HACL2: variants seen among roughly 807,000 people sequenced by gnomAD.
HACL2 encodes 2-hydroxyacyl-CoA lyase 1 like.
At chr19:15,116,827 A>G in the HACL2 span, 100,394 of 382,440 alleles carry the variant, frequency 0.26, 14,158 homozygotes, top group South Asian at 0.37. Flanking sequence ...GAAACACTCA[A>G]TGAAAAGAGC....
the HACL2 span, chr19:15,118,149 A>T: frequency 9.0e-7 from 1 of 1,107,088 alleles, no homozygotes; most frequent in Non-Finnish European, 1.3e-6. Flanking sequence ...ACCTACAGTG[A>T]CCTTGCAGCT....
chr19:15,119,468 C>G, the HACL2 span: 6 of 1,614,014 alleles, frequency 3.7e-6, no homozygotes, highest in South Asian at 6.6e-5. Flanking sequence ...TCCCCAGCAC[C>G]ATCAGAGGCC....
At chr19:15,115,219 G>A in the HACL2 span, 1 of 1,613,108 alleles carries the variant, frequency 6.2e-7, no homozygotes, top group Non-Finnish European at 8.5e-7. Context: ...TCCAGGGGCA[G>A]GAAGGCAGCC....
the HACL2 span, chr19:15,116,559 C>T: frequency 6.5e-7 from 1 of 1,542,934 alleles, no homozygotes; most frequent in East Asian, 2.2e-5. Context: ...GGGGAGCTGG[C>T]TTCCTCCTGT....
the HACL2 span, chr19:15,119,459 C>T: frequency 6.2e-7 from 1 of 1,614,130 alleles, no homozygotes; most frequent in South Asian, 1.1e-5. Context: ...GGGCCTGACT[C>T]CCCAGCACCA....
the HACL2 span, among the ~76,000 whole-genome samples, chr19:15,118,325 C>T: frequency 2.6e-5 from 4 of 152,194 alleles, no homozygotes; most frequent in Non-Finnish European, 5.9e-5. Flanking sequence ...CAGCCTAGGT[C>T]CCCTTTCCTT....
At chr19:15,125,102 C>T in the HACL2 span, 1 of 1,487,500 alleles carries the variant, frequency 6.7e-7, no homozygotes, top group Non-Finnish European at 9.0e-7. Flanking sequence ...CAGACTTGGG[C>T]GCGACAGGGA....
At chr19:15,115,684 G>C in the HACL2 span, 3 of 1,608,888 alleles carry the variant, frequency 1.9e-6, no homozygotes, top group Non-Finnish European at 2.6e-6. Context: ...ACAGGAAGAT[G>C]ATGAAGGCAG....
the HACL2 span, chr19:15,122,639 C>G: frequency 6.9e-7 from 1 of 1,459,322 alleles, no homozygotes; most frequent in Non-Finnish European, 9.6e-7. The surrounding 1 kb of genome is among the most constrained non-coding windows in gnomAD (Gnocchi z 4.0). Flanking sequence ...GGGCTGGAAG[C>G]TGCAGGAGAG....
At chr19:15,125,651 T>G in the HACL2 span, 1 of 152,380 alleles carries the variant, frequency 6.6e-6, no homozygotes, top group Non-Finnish European at 1.5e-5. Context: ...CCCGACGCTA[T>G]TCACCTTCAC....
At chr19:15,120,858 G>A in the HACL2 span, among the ~76,000 whole-genome samples, 2 of 152,316 alleles carry the variant, frequency 1.3e-5, no homozygotes, top group East Asian at 3.9e-4. Flanking sequence ...CTCGAGGCCA[G>A]GAGTTCAAGG....
chr19:15,121,824 A>G, the HACL2 span, among the ~76,000 whole-genome samples: 34 of 148,262 alleles, frequency 2.3e-4, no homozygotes, highest in Non-Finnish European at 2.5e-4. Flanking sequence ...AAAAAAAAAA[A>G]AAAGAAAGAA....
At chr19:15,121,985 C>T in the HACL2 span, among the ~76,000 whole-genome samples, 3 of 150,186 alleles carry the variant, frequency 2.0e-5, no homozygotes, top group South Asian at 4.2e-4. Flanking sequence ...GCAAGCTCCA[C>T]CTCCTGGGTT....
At chr19:15,115,722 C>A in the HACL2 span, 35 of 1,587,096 alleles carry the variant, frequency 2.2e-5, no homozygotes, top group East Asian at 1.6e-4. Context: ...CATGGCTTGG[C>A]CAGCCAGAGG....
chr19:15,123,598 G>A, the HACL2 span: 4 of 1,601,032 alleles, frequency 2.5e-6, no homozygotes, highest in Non-Finnish European at 8.5e-7. This position sits in a 1 kb window ranked among gnomAD's most constrained non-coding sequence, Gnocchi z 5.1. Flanking sequence ...GACAGGTGGA[G>A]CAATAAAGTT....
At chr19:15,124,813 A>G in the HACL2 span, 31 of 1,389,062 alleles carry the variant, frequency 2.2e-5, no homozygotes, top group Non-Finnish European at 2.9e-5. Flanking sequence ...GTCCCTCTGG[A>G]CTAGTCGGGG....
At chr19:15,123,049 T>G in the HACL2 span, 33 of 1,607,696 alleles carry the variant, frequency 2.1e-5, no homozygotes, top group African/African-American at 3.9e-4. This position sits in a 1 kb window ranked among gnomAD's most constrained non-coding sequence, Gnocchi z 5.1. Flanking sequence ...GACAGAGGTG[T>G]GGCAGGGTTA....
chr19:15,116,169 A>C, the HACL2 span: 1 of 1,613,532 alleles, frequency 6.2e-7, no homozygotes, highest in Non-Finnish European at 8.5e-7. Flanking sequence ...GAGCCAGCGC[A>C]GGGGGCCGCG....
the HACL2 span, chr19:15,115,443 A>G: frequency 6.2e-7 from 1 of 1,611,652 alleles, no homozygotes; most frequent in African/African-American, 1.3e-5. Flanking sequence ...AAAAGAAGAG[A>G]TTAAGTCGGA....
Sources: gnomAD v4.1 joint callset for allele counts (sites outside exome capture counted in the v4.1 genomes callset) on GRCh38, gnomAD v4.1.1 for gene constraint, Gnocchi (gnomAD v3.1) non-coding constraint, MANE v1.5 for transcripts, NCBI Gene and HGNC (gene_info 2026-07-23, HGNC 2026-07-21) for gene names.